The following TESPA1 variants were observed in gnomAD, a reference collection of about 807,000 sequenced individuals.
TESPA1 encodes protein TESPA1.
In TESPA1, 33 loss-of-function variants were observed where a neutral mutation model predicts 57.9. The ratio of observed to expected loss-of-function variants is 0.57; its 90% confidence interval spans 0.43 to 0.76. The LOEUF is 0.76. Ranked by LOEUF, TESPA1 falls within the 30% of genes least tolerant of loss-of-function variation. The pLI, the probability that TESPA1 is intolerant of heterozygous loss-of-function variation, is 0.00. For missense variants in TESPA1, 618 were observed against 632.9 expected, an observed-to-expected ratio of 0.98 and a Z score of 0.25; for synonymous variants, 227 against 228.9, an observed-to-expected ratio of 0.99 and a Z score of 0.07.
chr12:54,978,382 A>G (rs1013960375), intron 1 of TESPA1, among the ~76,000 whole-genome samples: 3 of 152,276 alleles, frequency 2.0e-5, no homozygotes, highest in Admixed American at 1.3e-4. Flanking sequence ...GCTGGACTCA[A>G]TGTTGTGTAA....
intron 10 of TESPA1, among the ~76,000 whole-genome samples, chr12:54,955,921 A>G (rs1950703210): frequency 1.3e-5 from 2 of 151,492 alleles, no homozygotes; most frequent in South Asian, 4.3e-4. Context: ...TACACTTCAC[A>G]TCTGACTGTC....
chr12:54,974,733 C>A, intron 1 of TESPA1, 126 bp from the exon 2 acceptor site: 1 of 546,570 alleles, frequency 1.8e-6, no homozygotes, highest in Non-Finnish European at 2.8e-6. Context: ...CATTCAAAAG[C>A]AGGGAGGACA....
intron 10 of TESPA1, among the ~76,000 whole-genome samples, chr12:54,960,024 G>A (rs954854853): frequency 2.6e-5 from 4 of 152,192 alleles, no homozygotes; most frequent in Non-Finnish European, 4.4e-5. Flanking sequence ...ATATCTTTGT[G>A]TGTCTGAGCA....
At chr12:54,967,395 A>G (rs1462325694) in intron 4 of TESPA1, among the ~76,000 whole-genome samples, 159 bp from the exon 5 acceptor site, 1 of 149,988 alleles carries the variant, frequency 6.7e-6, no homozygotes, top group Non-Finnish European at 1.5e-5. Context: ...AATTACCACA[A>G]ACTGTACATA....
Position 54,949,265 on chromosome 12 carries a change from G to A in TESPA1, c.*1127C>T, listed in dbSNP as rs991042659. ...CTCAGTTTGTGCCTTCTCCCCTAAT[G>A]CTGGCAATAGCACCAGAACAAAATC... On this transcript the variant is annotated 3_prime_UTR_variant, in exon 11 of 11. Coordinates refer to ENST00000449076, the MANE Select transcript of TESPA1 (RefSeq NM_001136030.3). 6.6e-6 allele frequency: 1 copy of A among 152,054 alleles called. No homozygotes were observed. The highest frequency in any genetic ancestry group is 1.5e-5 in the Non-Finnish European group (1 of 68,022). The allele number at this position is 152,054 out of a possible 1,614,324, so 9.4% of individuals were successfully genotyped here. A position where few individuals can be genotyped will look rare whatever the true frequency, so the allele number is the denominator to read the frequency against.
chr12:54,955,574 C>T (rs1393689711), intron 10 of TESPA1, among the ~76,000 whole-genome samples: 1 of 152,190 alleles, frequency 6.6e-6, no homozygotes, highest in Non-Finnish European at 1.5e-5. Flanking sequence ...AGTCTTCTTA[C>T]TTGAGGACAA....
rs751206071 is a variant in TESPA1, at chr12:54,963,241, G to T, written c.657C>A (p.Ser219Arg). 18 of 1,608,740 alleles carry T rather than the reference G, an allele frequency of 1.1e-5. No individual in the cohort carries two copies. In the South Asian group the frequency reaches 1.8e-4, roughly 16 times the overall value. ...CCAGTGTTTGCACCTGCTTAAACCT[G>T]CCTGGGTACAAGAGTTAAAGATGGT... ...EMEDPCLMLA[S>R]RFKQVQTLAV... The change falls in exon 9 of 11, where the codon AGC (serine) becomes AGA (arginine). Residue 219 changes from serine (S) to arginine (R), a missense_variant and splice_region_variant. Ser to Arg is a moderately radical substitution (Grantham distance 110, BLOSUM62 -1). This residue lies in a region of TESPA1 where 409 missense variants were observed against 420.1 expected (regional missense o/e 0.97). Coordinates refer to ENST00000449076, the MANE Select transcript of TESPA1 (RefSeq NM_001136030.3).
intron 10 of TESPA1, among the ~76,000 whole-genome samples, chr12:54,954,500 A>C (rs1950611693): frequency 6.6e-6 from 1 of 152,184 alleles, no homozygotes; most frequent in Non-Finnish European, 1.5e-5. Context: ...GTTCAAATGG[A>C]TCACCAAGAT....
chr12:54,969,149 C>T (rs1227397452), intron 3 of TESPA1, among the ~76,000 whole-genome samples: 2 of 149,800 alleles, frequency 1.3e-5, no homozygotes, highest in Non-Finnish European at 3.0e-5. Context: ...TTTAATATGT[C>T]CTTATGAAAA....
intron 1 of TESPA1, among the ~76,000 whole-genome samples, chr12:54,982,739 C>G (rs1001645448): frequency 1.3e-5 from 2 of 152,218 alleles, no homozygotes; most frequent in African/African-American, 4.8e-5. Flanking sequence ...ATTTCTCAAC[C>G]ATTGTGTTAG....
At chr12:54,975,821 T>C (rs1238928423) in intron 1 of TESPA1, among the ~76,000 whole-genome samples, 1 of 152,150 alleles carries the variant, frequency 6.6e-6, no homozygotes, top group Admixed American at 6.5e-5. Flanking sequence ...GAAAAGAACA[T>C]CCTGAACATA....
chr12:54,964,461 T>A (rs1951291960), intron 7 of TESPA1, among the ~76,000 whole-genome samples: 1 of 152,192 alleles, frequency 6.6e-6, no homozygotes, highest in African/African-American at 2.4e-5. Context: ...TTTTGAGAGG[T>A]ATGCTCCTTT....
At chr12:54,978,988 A>C (rs1472485665) in intron 1 of TESPA1, among the ~76,000 whole-genome samples, 2 of 152,236 alleles carry the variant, frequency 1.3e-5, no homozygotes, top group African/African-American at 4.8e-5. Flanking sequence ...GAGGAGCAAG[A>C]ATCACCCTGG....
In TESPA1 at chr12:54,967,884, T is replaced by C; in HGVS notation, c.215A>G (p.Glu72Gly). The C allele has an allele frequency of 6.2e-7, 1 of 1,613,664 alleles. No homozygotes were observed. The highest frequency in any genetic ancestry group is 1.1e-5 in the South Asian group (1 of 91,068). ...TCCTGCTTCCTCAGAAAATCCTTCT[T>C]CAGAGTATCTAAACCAAAAACAGTC... ...EDWLQDCGYS[E>G]EGFSEEAGQF... The change falls in exon 4 of 11, where the codon GAA (glutamate) becomes GGA (glycine). Residue 72 changes from glutamate to glycine, a missense_variant. This residue lies in a region of TESPA1 where 199 missense variants were observed against 184.0 expected (regional missense o/e 1.08). Transcript: ENST00000449076.
At chr12:54,973,681 A>G in intron 2 of TESPA1, 162 bp from the exon 3 acceptor site, 3 of 1,412,272 alleles carry the variant, frequency 2.1e-6, no homozygotes, top group South Asian at 1.7e-5. Flanking sequence ...TACACCGTAT[A>G]TAAAAATAGT....
At chr12:54,953,105 C>T (rs1174533763) in intron 10 of TESPA1, among the ~76,000 whole-genome samples, 4 of 152,040 alleles carry the variant, frequency 2.6e-5, no homozygotes, top group African/African-American at 9.7e-5. Context: ...ATTTTCCTTA[C>T]TCTGCCGGCT....
At chr12:54,967,555 C>T (rs1281340761) in intron 4 of TESPA1, among the ~76,000 whole-genome samples, 1 of 152,038 alleles carries the variant, frequency 6.6e-6, no homozygotes, top group East Asian at 1.9e-4. Context: ...CATATAAACA[C>T]ATATTTTATA....
chr12:54,982,235 C>G (rs1364888694), intron 1 of TESPA1, among the ~76,000 whole-genome samples: 2 of 152,184 alleles, frequency 1.3e-5, no homozygotes, highest in Non-Finnish European at 2.9e-5. Flanking sequence ...TTCCATGTCA[C>G]TCAGGTTGGA....
intron 1 of TESPA1, among the ~76,000 whole-genome samples, chr12:54,982,250 C>A (rs551558908): frequency 6.6e-6 from 1 of 152,300 alleles, no homozygotes; most frequent in South Asian, 2.1e-4. Context: ...GTTGGAAGAT[C>A]ATCAGAACAA....
Sources: gnomAD v4.1 joint callset for allele counts (sites outside exome capture counted in the v4.1 genomes callset) on GRCh38, gnomAD v4.1.1 for gene constraint, gnomAD v4.1.1 regional missense constraint, MANE v1.5 for transcripts, NCBI Gene and HGNC (gene_info 2026-07-23, HGNC 2026-07-21) for gene names.